Variants in MACROD2 observed in about 807,000 individuals in gnomAD.
The protein encoded by MACROD2 is ADP-ribose glycohydrolase MACROD2.
Under a neutral mutation model 70.4 loss-of-function variants are expected in MACROD2, and 36 were observed. The observed-to-expected ratio is 0.51, with a 90% CI of 0.39 to 0.68. The LOEUF is 0.68. Ranked by LOEUF, MACROD2 falls within the 30% of genes least tolerant of loss-of-function variation. The probability of loss-of-function intolerance (pLI) is 0.00; values close to 1 mark genes in which losing one functional copy is unlikely to be tolerated. For missense variants in MACROD2, 496 were observed against 538.4 expected, an observed-to-expected ratio of 0.92 and a Z score of 0.78; for synonymous variants, 172 against 178.8, an observed-to-expected ratio of 0.96 and a Z score of 0.30.
At chr20:15,569,046 C>T (rs966594493) in intron 8 of MACROD2, among the ~76,000 whole-genome samples, 1 of 152,112 alleles carries the variant, frequency 6.6e-6, no homozygotes, top group South Asian at 2.1e-4. Flanking sequence ...CGTGACTTCC[C>T]CCAATAATTC....
chr20:15,964,070 T>C (rs1161310360), intron 12 of MACROD2, among the ~76,000 whole-genome samples: 3 of 152,220 alleles, frequency 2.0e-5, no homozygotes, highest in Non-Finnish European at 4.4e-5. Flanking sequence ...ATAACTGTTT[T>C]ACATGTTTTT....
intron 4 of MACROD2, among the ~76,000 whole-genome samples, chr20:14,523,119 ATTAAAAAAAGAC>A (rs2085189065): frequency 6.6e-6 from 1 of 152,202 alleles, no homozygotes; most frequent in Non-Finnish European, 1.5e-5. Context: ...ATGATCTTCC[ATTAAAAAAAGAC>A]GCTGGCATGT....
chr20:15,556,279 G>C (rs1231385817), intron 8 of MACROD2, among the ~76,000 whole-genome samples: 1 of 152,184 alleles, frequency 6.6e-6, no homozygotes, highest in African/African-American at 2.4e-5. Context: ...GTTCATTTAT[G>C]ATATGTGTTT....
intron 5 of MACROD2, among the ~76,000 whole-genome samples, chr20:14,887,826 G>A (rs1255193244): frequency 6.6e-6 from 1 of 151,042 alleles, no homozygotes; most frequent in South Asian, 2.1e-4. Context: ...GACTTGTCTC[G>A]TGATGTCACA....
chr20:15,233,315 A>G (rs2076975219), intron 6 of MACROD2, among the ~76,000 whole-genome samples: 1 of 152,168 alleles, frequency 6.6e-6, no homozygotes, highest in Non-Finnish European at 1.5e-5. Context: ...AAATTAGAGT[A>G]TGATAAAAGT....
At chr20:14,156,271 A>AT (rs1259207786) in intron 3 of MACROD2, among the ~76,000 whole-genome samples, 7 of 152,202 alleles carry the variant, frequency 4.6e-5, no homozygotes, top group South Asian at 2.1e-4. Flanking sequence ...CTTTCACTGC[A>AT]TTTTTTGGCT....
chr20:14,967,416 G>C (rs1035255718), intron 5 of MACROD2, among the ~76,000 whole-genome samples: 2 of 152,044 alleles, frequency 1.3e-5, no homozygotes, highest in Non-Finnish European at 2.9e-5. Flanking sequence ...CGCCCGCCTC[G>C]GCCTCCCAAA....
At chr20:15,155,413 A>G (rs2076300167) in intron 5 of MACROD2, among the ~76,000 whole-genome samples, 1 of 152,096 alleles carries the variant, frequency 6.6e-6, no homozygotes. Context: ...GAGCATCCCT[A>G]ACAATCTGTC....
At chr20:15,258,176 T>G (rs1318108773) in intron 6 of MACROD2, among the ~76,000 whole-genome samples, 2 of 152,126 alleles carry the variant, frequency 1.3e-5, no homozygotes, top group Non-Finnish European at 2.9e-5. Flanking sequence ...TAAACAAATT[T>G]TGATTTTATA....
intron 3 of MACROD2, among the ~76,000 whole-genome samples, chr20:14,090,873 G>A (rs1330816319): frequency 6.6e-6 from 1 of 152,100 alleles, no homozygotes; most frequent in Non-Finnish European, 1.5e-5. Context: ...AACAGTGTGC[G>A]GGAGTTCTCT....
intron 4 of MACROD2, among the ~76,000 whole-genome samples, chr20:14,540,015 C>A (rs964779073): frequency 3.9e-5 from 6 of 152,108 alleles, no homozygotes; most frequent in Admixed American, 1.3e-4. Context: ...CTTATAGTCT[C>A]ATAACTCACA....
chr20:14,959,662 C>T (rs1481483285), intron 5 of MACROD2, among the ~76,000 whole-genome samples: 1 of 152,168 alleles, frequency 6.6e-6, no homozygotes, highest in Non-Finnish European at 1.5e-5. Flanking sequence ...GCAATGTGAA[C>T]AATGCCCCCT....
chr20:15,445,475 T>A (rs1409795611), intron 7 of MACROD2, among the ~76,000 whole-genome samples: 1 of 151,454 alleles, frequency 6.6e-6, no homozygotes, highest in Non-Finnish European at 1.5e-5. Flanking sequence ...AGAGAGAGAG[T>A]AATTATAGTT....
chr20:14,529,489 G>C (rs1263240028), intron 4 of MACROD2, among the ~76,000 whole-genome samples: 1 of 152,046 alleles, frequency 6.6e-6, no homozygotes, highest in African/African-American at 2.4e-5. Context: ...GTCATTATAT[G>C]ACAATAATTT....
chr20:14,249,145 T>G (rs1347511216), intron 3 of MACROD2, among the ~76,000 whole-genome samples: 4 of 150,166 alleles, frequency 2.7e-5, no homozygotes, highest in African/African-American at 7.4e-5. Flanking sequence ...TTTTTTTTTT[T>G]TTTTTGGTAG....
At chr20:14,281,933 C>G (rs1045096799) in intron 3 of MACROD2, among the ~76,000 whole-genome samples, 1 of 96,578 alleles carries the variant, frequency 1.0e-5, no homozygotes, top group Non-Finnish European at 1.9e-5. Flanking sequence ...GACTCCCTCT[C>G]AAAAAAAAAA....
intron 5 of MACROD2, among the ~76,000 whole-genome samples, chr20:15,053,744 G>A (rs1016770809): frequency 1.3e-5 from 2 of 152,134 alleles, no homozygotes; most frequent in East Asian, 3.8e-4. Flanking sequence ...ATTATTTAAA[G>A]AATACATTTT....
intron 3 of MACROD2, among the ~76,000 whole-genome samples, chr20:14,257,219 C>T (rs2082063936): frequency 6.6e-6 from 1 of 152,044 alleles, no homozygotes; most frequent in African/African-American, 2.4e-5. Flanking sequence ...CATGAGTGGT[C>T]AAAATTTAAA....
intron 5 of MACROD2, among the ~76,000 whole-genome samples, chr20:14,772,605 G>T (rs1391672195): frequency 2.0e-5 from 3 of 152,046 alleles, no homozygotes; most frequent in Admixed American, 1.3e-4. Flanking sequence ...CTTCCACTGA[G>T]TCCCTCCCAT....
Sources: allele counts gnomAD v4.1 joint callset (sites outside exome capture counted in the v4.1 genomes callset), GRCh38; gene constraint gnomAD v4.1.1; transcripts MANE v1.5; gene names NCBI Gene and HGNC (gene_info 2026-07-23, HGNC 2026-07-21).